The following CLXN variants were observed in gnomAD, a reference collection of about 807,000 sequenced individuals.
CLXN encodes EF-hand calcium binding domain 1.
chr8:48,725,113 A>G, the CLXN span, among the ~76,000 whole-genome samples: 3 of 152,266 alleles, frequency 2.0e-5, no homozygotes, highest in African/African-American at 7.2e-5. Flanking sequence ...GGAAAGGCAC[A>G]TGGTAGACTA....
At chr8:48,727,764 G>A in the CLXN span, among the ~76,000 whole-genome samples, 1 of 152,324 alleles carries the variant, frequency 6.6e-6, no homozygotes, top group African/African-American at 2.4e-5. Context: ...AAAGTCAGTA[G>A]GGGATGACAG....
the CLXN span, chr8:48,731,397 G>C: frequency 6.2e-7 from 1 of 1,613,042 alleles, no homozygotes; most frequent in Non-Finnish European, 8.5e-7. Context: ...CATGCAGGAT[G>C]TTTCGAAATG....
the CLXN span, among the ~76,000 whole-genome samples, chr8:48,719,317 T>C: frequency 6.6e-6 from 1 of 152,156 alleles, no homozygotes; most frequent in Non-Finnish European, 1.5e-5. Context: ...CAGGTGGCTT[T>C]CTAGGTGAAT....
At chr8:48,731,503 A>G in the CLXN span, 1 of 1,592,380 alleles carries the variant, frequency 6.3e-7, no homozygotes, top group Non-Finnish European at 8.5e-7. Flanking sequence ...AAATTTATTA[A>G]CTGAAATAAT....
At chr8:48,718,254 A>T in the CLXN span, among the ~76,000 whole-genome samples, 1 of 152,326 alleles carries the variant, frequency 6.6e-6, no homozygotes, top group South Asian at 2.1e-4. Flanking sequence ...GAAATGGTCA[A>T]TTCAACAGGC....
At chr8:48,728,970 C>T in the CLXN span, 1 of 1,038,518 alleles carries the variant, frequency 9.6e-7, no homozygotes, top group Non-Finnish European at 1.4e-6. Context: ...ATCCACTACC[C>T]ATTAAATCAA....
At chr8:48,712,990 CAA>C in the CLXN span, among the ~76,000 whole-genome samples, 225 of 99,492 alleles carry the variant, frequency 2.3e-3, no homozygotes, top group Middle Eastern at 9.6e-3. Context: ...ACTCCTCTGT[CAA>C]AAAAAAAAAA....
chr8:48,733,523 C>T, the CLXN span, among the ~76,000 whole-genome samples: 5 of 152,172 alleles, frequency 3.3e-5, no homozygotes, highest in East Asian at 1.9e-4. Context: ...TCCATTGAAT[C>T]TTGATAGCTT....
the CLXN span, chr8:48,731,464 T>TA: frequency 6.2e-7 from 1 of 1,612,968 alleles, no homozygotes; most frequent in Non-Finnish European, 8.5e-7. Context: ...CACCAAGTCA[T>TA]AAAAAAGCTT....
At chr8:48,732,393 C>G in the CLXN span, among the ~76,000 whole-genome samples, 1 of 152,134 alleles carries the variant, frequency 6.6e-6, no homozygotes, top group Admixed American at 6.5e-5. Flanking sequence ...ATGGAAAAAT[C>G]ACACCTCATC....
chr8:48,724,648 T>C, the CLXN span: 9 of 985,930 alleles, frequency 9.1e-6, no homozygotes, highest in East Asian at 2.1e-4. Context: ...AAACACACAA[T>C]TCAACATCAT....
chr8:48,726,870 A>AATCTATCTATCTATCT, the CLXN span, among the ~76,000 whole-genome samples: 203 of 136,326 alleles, frequency 1.5e-3, no homozygotes, highest in Non-Finnish European at 1.7e-3. Context: ...TGCATCTATC[A>AATCTATCTATCTATCT]ATCTATCTAT....
chr8:48,724,901 GGGTT>G, the CLXN span: 16 of 893,578 alleles, frequency 1.8e-5, no homozygotes, highest in Non-Finnish European at 2.5e-5. Context: ...GGATAACTGA[GGGTT>G]AGTGGGCATC....
the CLXN span, among the ~76,000 whole-genome samples, chr8:48,726,303 C>G: frequency 6.7e-6 from 1 of 150,002 alleles, no homozygotes; most frequent in Non-Finnish European, 1.5e-5. Flanking sequence ...ACCCACCTAT[C>G]CATCCATGTA....
the CLXN span, among the ~76,000 whole-genome samples, chr8:48,718,661 C>A: frequency 6.6e-6 from 1 of 151,960 alleles, no homozygotes. Flanking sequence ...AGAAAATGGG[C>A]AAATTCACAA....
chr8:48,712,612 TGATGCC>T, the CLXN span, among the ~76,000 whole-genome samples: 1 of 152,236 alleles, frequency 6.6e-6, no homozygotes, highest in Non-Finnish European at 1.5e-5. Context: ...GCCTGGGCAG[TGATGCC>T]GATAAAGGCA....
the CLXN span, chr8:48,731,486 T>G: frequency 6.2e-7 from 1 of 1,604,364 alleles, no homozygotes; most frequent in Non-Finnish European, 8.5e-7. Flanking sequence ...ATAAGACAGT[T>G]CACTTCAAAT....
chr8:48,731,514 A>C, the CLXN span: 10 of 1,581,872 alleles, frequency 6.3e-6, no homozygotes, highest in Non-Finnish European at 8.6e-6. Flanking sequence ...CTGAAATAAT[A>C]AAATAGATAT....
the CLXN span, among the ~76,000 whole-genome samples, chr8:48,725,131 C>T: frequency 2.6e-3 from 394 of 152,130 alleles, no homozygotes; most frequent in African/African-American, 8.8e-3. Flanking sequence ...CTATGGGAGT[C>T]CAGGAGGAAC....
Sources: allele counts gnomAD v4.1 joint callset (sites outside exome capture counted in the v4.1 genomes callset), GRCh38; gene constraint gnomAD v4.1.1; transcripts MANE v1.5; gene names NCBI Gene and HGNC (gene_info 2026-07-23, HGNC 2026-07-21).